SLC44A5: variants seen among roughly 807,000 people sequenced by gnomAD.
SLC44A5 encodes choline transporter-like protein 5.
SLC44A5 carries 57 observed loss-of-function variants against 101.8 expected under a neutral mutation model. The observed-to-expected ratio is 0.56, with a 90% CI of 0.45 to 0.70. The LOEUF is 0.70. SLC44A5 is among the 30% of genes least tolerant of loss of function. The pLI is 0.00. For synonymous variants in SLC44A5, 281 were observed against 290.9 expected, an observed-to-expected ratio of 0.97 and a Z score of 0.35; for missense variants, 737 against 853.1, an observed-to-expected ratio of 0.86 and a Z score of 1.70.
the SLC44A5 span, among the ~76,000 whole-genome samples, chr1:75,668,646 C>T: frequency 6.6e-6 from 1 of 151,100 alleles, no homozygotes; most frequent in South Asian, 2.1e-4. Context: ...ATAGTATTTT[C>T]TGAAACGCTT....
intron 2 of SLC44A5, among the ~76,000 whole-genome samples, chr1:75,471,382 AACAC>A (rs3058800): frequency 0.013 from 1,960 of 148,912 alleles, 24 homozygotes; most frequent in South Asian, 0.041. Context: ...TGTGCATGAA[AACAC>A]ACACACACAC....
chr1:75,223,436 A>T (rs573262367), intron 13 of SLC44A5, among the ~76,000 whole-genome samples: 31 of 152,330 alleles, frequency 2.0e-4, no homozygotes, highest in Admixed American at 4.6e-4. Flanking sequence ...ATAACTTTTT[A>T]GGAAAAGTGA....
intron 5 of SLC44A5, among the ~76,000 whole-genome samples, chr1:75,277,718 GTGTC>G (rs1327493312): frequency 1.3e-5 from 2 of 151,950 alleles, no homozygotes; most frequent in Non-Finnish European, 2.9e-5. Flanking sequence ...GGGGATCTGA[GTGTC>G]TGGGGATAAA....
At chr1:75,342,629 A>G (rs1020323165) in intron 3 of SLC44A5, among the ~76,000 whole-genome samples, 14 of 152,124 alleles carry the variant, frequency 9.2e-5, no homozygotes, top group Admixed American at 9.2e-4. Flanking sequence ...TAAGGAGAAG[A>G]CAGGTTTAAA....
chr1:75,683,188 G>A, the SLC44A5 span, among the ~76,000 whole-genome samples: 8 of 151,268 alleles, frequency 5.3e-5, no homozygotes, highest in Admixed American at 2.6e-4. Flanking sequence ...CATTGTGGAA[G>A]TCAGTGTGGC....
chr1:75,361,243 A>C (rs1469929718), intron 3 of SLC44A5, among the ~76,000 whole-genome samples: 3 of 152,128 alleles, frequency 2.0e-5, no homozygotes, highest in Non-Finnish European at 4.4e-5. Flanking sequence ...ATATAAGATC[A>C]TGTCATTAGC....
At chr1:75,283,812 T>C (rs981628068) in intron 5 of SLC44A5, among the ~76,000 whole-genome samples, 2 of 152,126 alleles carry the variant, frequency 1.3e-5, no homozygotes, top group Non-Finnish European at 2.9e-5. Flanking sequence ...CTGTAAGTAT[T>C]TGGCTTTATT....
At chr1:75,685,542 T>A in the SLC44A5 span, among the ~76,000 whole-genome samples, 1 of 152,192 alleles carries the variant, frequency 6.6e-6, no homozygotes, top group East Asian at 1.9e-4. Flanking sequence ...GTTCCTTATC[T>A]TCATCTGAGA....
At chr1:75,713,835 C>T in the SLC44A5 span, among the ~76,000 whole-genome samples, 3 of 152,180 alleles carry the variant, frequency 2.0e-5, no homozygotes, top group Non-Finnish European at 4.4e-5. Context: ...AGATCCGACA[C>T]TTTGTTGCCC....
At chr1:75,441,151 A>G (rs956518536) in intron 2 of SLC44A5, among the ~76,000 whole-genome samples, 2 of 152,154 alleles carry the variant, frequency 1.3e-5, no homozygotes, top group African/African-American at 4.8e-5. Context: ...TAAGCTTACA[A>G]GGATAACTGG....
At chr1:75,521,846 C>T (rs1670146231) in intron 2 of SLC44A5, 1 of 153,646 alleles carries the variant, frequency 6.5e-6, no homozygotes, top group Admixed American at 6.5e-5. Context: ...TCACATGAGG[C>T]TTAATCTGGA....
At chr1:75,543,003 T>G (rs1671436867) in intron 1 of SLC44A5, among the ~76,000 whole-genome samples, 1 of 151,848 alleles carries the variant, frequency 6.6e-6, no homozygotes, top group Non-Finnish European at 1.5e-5. Context: ...CTTAAAAGAG[T>G]CTATATATTA....
chr1:75,402,442 A>G (rs1323365308), intron 2 of SLC44A5: 4 of 406,662 alleles, frequency 9.8e-6, no homozygotes, highest in Middle Eastern at 3.6e-4. Flanking sequence ...TTCCAGCAAG[A>G]TCAACGCAGA....
intron 5 of SLC44A5, among the ~76,000 whole-genome samples, chr1:75,282,601 C>A (rs1175400392): frequency 6.6e-6 from 1 of 152,072 alleles, no homozygotes; most frequent in East Asian, 1.9e-4. Context: ...AGTGTAATCC[C>A]CACGTGTTGG....
At chr1:75,641,316 T>C in the SLC44A5 span, 1 of 675,646 alleles carries the variant, frequency 1.5e-6, no homozygotes, top group Non-Finnish European at 2.6e-6. Flanking sequence ...CTGCCAAAGA[T>C]GTTGGTGGTG....
chr1:75,387,934 C>A (rs1661492464), intron 3 of SLC44A5, among the ~76,000 whole-genome samples: 1 of 148,276 alleles, frequency 6.7e-6, no homozygotes, highest in Non-Finnish European at 1.5e-5. Context: ...AATTGGAAAT[C>A]ATCATTCTCA....
intron 2 of SLC44A5, among the ~76,000 whole-genome samples, chr1:75,506,232 G>A (rs567311144): frequency 3.3e-5 from 5 of 152,112 alleles, no homozygotes; most frequent in Admixed American, 2.0e-4. Flanking sequence ...GTACCAGTAC[G>A]ATGTTGTTTT....
intron 2 of SLC44A5, among the ~76,000 whole-genome samples, chr1:75,494,481 T>A (rs546051658): frequency 6.6e-4 from 100 of 152,282 alleles, no homozygotes; most frequent in African/African-American, 2.2e-3. Context: ...CACTGGCTCC[T>A]GGAGCTGATG....
intron 2 of SLC44A5, among the ~76,000 whole-genome samples, chr1:75,411,362 T>C (rs1316970048): frequency 6.6e-6 from 1 of 152,118 alleles, no homozygotes; most frequent in Non-Finnish European, 1.5e-5. Context: ...AAGAGATATC[T>C]GAAGGTTATG....
Sources: allele counts gnomAD v4.1 joint callset (sites outside exome capture counted in the v4.1 genomes callset), GRCh38; gene constraint gnomAD v4.1.1; transcripts MANE v1.5; gene names NCBI Gene and HGNC (gene_info 2026-07-23, HGNC 2026-07-21).